The following PTK2 variants were observed in gnomAD, a reference collection of about 807,000 sequenced individuals.
PTK2 encodes protein tyrosine kinase 2, also known as focal adhesion kinase 1.
Under a neutral mutation model 150.1 loss-of-function variants are expected in PTK2, and 45 were observed. That is an observed-to-expected ratio of 0.30 (90% CI 0.24 to 0.38). PTK2 has a LOEUF of 0.38. Ranked by LOEUF, PTK2 falls within the 10% of genes least tolerant of loss-of-function variation. PTK2 has a pLI of 1.00. For missense variants in PTK2, 919 were observed against 1,307.3 expected (o/e 0.70, Z 4.58); for synonymous variants, 432 against 449.2 (o/e 0.96, Z 0.48).
intron 14 of PTK2, 89 bp from the exon 16 acceptor site, chr8:140,769,681 C>T: frequency 1.2e-6 from 1 of 848,444 alleles, no homozygotes; most frequent in Non-Finnish European, 1.7e-6. Context: ...GAGGGGAAAA[C>T]ACTATTAAAA....
At chr8:140,744,815 G>T in intron 18 of PTK2, 48 bp from the exon 22 acceptor site, 1 of 1,078,412 alleles carries the variant, frequency 9.3e-7, no homozygotes, top group Non-Finnish European at 1.4e-6. Context: ...AGAATTAGTG[G>T]CAGTGAATCG....
At chr8:140,906,739 T>C (rs1464834085) in intron 2 of PTK2, among the ~76,000 whole-genome samples, 1 of 152,160 alleles carries the variant, frequency 6.6e-6, no homozygotes, top group South Asian at 2.1e-4. Flanking sequence ...GTTCTAGTAT[T>C]TGATAGTACA....
At position 140,759,667 on chromosome 8, in the gene PTK2, GAAAATGTAGAGAGACGCTGTCTCTAC is replaced by G. The variant is rs765349488; in HGVS notation, c.1332+1472_1332+1497del. ...AGTCCAGAAGTTTGAGACTAGCTTG[GAAAATGTAGAGAGACGCTGTCTCTAC>G]AAAAAAAATTAAATTAGCTATGTGT... On this transcript the variant is annotated intron_variant, in intron 16 of 31. Transcript: ENST00000522684. Among the ~76,000 whole-genome samples, 95 of 151,722 alleles carry G rather than the reference GAAAATGTAGAGAGACGCTGTCTCTAC, an allele frequency of 6.3e-4. 2 individuals carry two copies. The highest frequency in any genetic ancestry group is 2.6e-3 in the Admixed American group (40 of 15,230).
exon 26 of PTK2, chr8:140,700,971 G>A (rs756046730): frequency 1.2e-6 from 2 of 1,613,954 alleles, no homozygotes; most frequent in African/African-American, 2.7e-5. Context: ...TCTTCCATCA[G>A]ATGGGTTGGC....
intron 7 of PTK2, among the ~76,000 whole-genome samples, chr8:140,836,078 T>C (rs1489267528): frequency 7.3e-6 from 1 of 137,812 alleles, no homozygotes; most frequent in Non-Finnish European, 1.5e-5. Context: ...AATTATCTGG[T>C]TTTTTTTTTA....
At chr8:140,904,177 C>T (rs896439589) in intron 2 of PTK2, among the ~76,000 whole-genome samples, 1 of 152,136 alleles carries the variant, frequency 6.6e-6, no homozygotes, top group African/African-American at 2.4e-5. Flanking sequence ...TACGTTCCAT[C>T]AATACGTACT....
At chr8:140,856,586 G>T (rs1261600543) in intron 5 of PTK2, among the ~76,000 whole-genome samples, 1 of 152,120 alleles carries the variant, frequency 6.6e-6, no homozygotes, top group South Asian at 2.1e-4. Flanking sequence ...AACTACGGTG[G>T]GAAAAACACA....
At chr8:140,726,081 T>C (rs571914185) in intron 22 of PTK2, among the ~76,000 whole-genome samples, 20 of 151,896 alleles carry the variant, frequency 1.3e-4, no homozygotes, top group Non-Finnish European at 2.1e-4. Flanking sequence ...AAAAATACAG[T>C]ATATGAAATA....
intron 19 of PTK2, 94 bp from the exon 23 acceptor site, chr8:140,743,424 G>A: frequency 1.2e-6 from 1 of 856,546 alleles, no homozygotes; most frequent in Non-Finnish European, 1.9e-6. Flanking sequence ...CACTTTGAAA[G>A]ACAGCTTATA....
At chr8:140,915,584 A>T (rs944722297) in intron 2 of PTK2, among the ~76,000 whole-genome samples, 1 of 152,076 alleles carries the variant, frequency 6.6e-6, no homozygotes, top group Non-Finnish European at 1.5e-5. Context: ...TTCACTTAGA[A>T]GGTCATATTT....
rs778071348 is a variant in PTK2 at position 140,659,613 on chromosome 8, G to A, written c.3012C>T (p.Ala1004=). 8.7e-6 allele frequency: 14 copies of A among 1,614,014 alleles called. No homozygotes were observed. In the Admixed American group the frequency reaches 1.5e-4, roughly 17 times the overall value. ...GGAGGCTGGTCATGACATACTGCTG[G>A]GCCAGTTTCATCTTGTTGATGAGCT... The change falls in exon 32 of 32, where the codon GCC becomes GCT. Residue 1004 remains alanine, a synonymous_variant. Coordinates refer to ENST00000522684, the Ensembl canonical transcript of PTK2.
intron 14 of PTK2, among the ~76,000 whole-genome samples, 175 bp downstream of exon 14, chr8:140,789,298 AC>A (rs1486924734): frequency 1.3e-5 from 2 of 151,648 alleles, no homozygotes; most frequent in Non-Finnish European, 2.9e-5. Flanking sequence ...AAAAAAAAAA[AC>A]TATGAGCCAT....
chr8:140,719,887 CAAAAAAAAAAA>C (rs71308987), intron 22 of PTK2, among the ~76,000 whole-genome samples: 43,420 of 91,268 alleles, frequency 0.48, 8,200 homozygotes, highest in Middle Eastern at 0.57. Context: ...CTTGTCTCAC[CAAAAAAAAAAA>C]AAAAAAAAAA....
chr8:140,662,370 G>T (rs1284217399), intron 31 of PTK2, among the ~76,000 whole-genome samples: 2 of 152,068 alleles, frequency 1.3e-5, no homozygotes, highest in Admixed American at 6.6e-5. Context: ...CAGGGGAGAT[G>T]AAAAGATTAC....
At chr8:140,820,076 GTTTTTTTTTTTTTTTTTTTTTTTTTTTT>G (rs370537018) in intron 8 of PTK2, among the ~76,000 whole-genome samples, 24 of 50,254 alleles carry the variant, frequency 4.8e-4, no homozygotes, top group Admixed American at 2.7e-3. Flanking sequence ...TCTGACTTTG[GTTTTTTTTTTTTTTTTTTTTTTTTTTTT>G]TTTTTTTTTT....
chr8:140,738,884 A>G, intron 21 of PTK2, 134 bp downstream of exon 24: 2 of 477,982 alleles, frequency 4.2e-6, no homozygotes, highest in Non-Finnish European at 7.0e-6. Flanking sequence ...AAATGAATCA[A>G]AAGAAGTCTG....
rs565157299 is a variant in PTK2, at chr8:140,853,865, T to G, written c.451-7187A>C. ...AATTCCTATACTGAGAATGCCAGGCTTAAACTAAGTTTTACCTCTTAGACC... is the reference window on the plus strand; with the variant it reads ...AATTCCTATACTGAGAATGCCAGGCGTAAACTAAGTTTTACCTCTTAGACC... On this transcript the variant is annotated intron_variant, in intron 5 of 31. Coordinates refer to ENST00000522684, the Ensembl canonical transcript of PTK2. 3.3e-5 allele frequency among the ~76,000 whole-genome samples: 5 copies of G among 152,346 alleles called. No homozygotes were observed. The South Asian group carries it at 1.0e-3, about 32-fold the overall frequency.
intron 3 of PTK2, among the ~76,000 whole-genome samples, chr8:140,885,665 C>T (rs1048790493): frequency 1.3e-5 from 2 of 152,036 alleles, no homozygotes; most frequent in African/African-American, 4.8e-5. Flanking sequence ...TTGTAGGCCA[C>T]AAAAGGAATC....
At chr8:140,914,366 G>C (rs537660988) in intron 2 of PTK2, among the ~76,000 whole-genome samples, 96 of 150,936 alleles carry the variant, frequency 6.4e-4, no homozygotes, top group African/African-American at 2.2e-3. Context: ...TCAAAGATTT[G>C]TGAACACTTT....
Sources: gnomAD v4.1 joint callset for allele counts (sites outside exome capture counted in the v4.1 genomes callset) on GRCh38, gnomAD v4.1.1 for gene constraint, MANE v1.5 for transcripts, NCBI Gene and HGNC (gene_info 2026-07-23, HGNC 2026-07-21) for gene names.